Variants in CNTLN observed in about 807,000 individuals in gnomAD.
The protein encoded by CNTLN is centlein, also known as centlein, centrosomal protein.
A neutral mutation model predicts 180.0 loss-of-function variants in CNTLN; 212 were observed. That is an observed-to-expected ratio of 1.18 (90% confidence interval 1.05 to 1.32). The LOEUF is 1.32. CNTLN is among the 40% of genes most tolerant of loss of function. The pLI is 0.00. For missense variants in CNTLN, 2,095 were observed against 1,610.9 expected (o/e 1.30, Z -5.14); for synonymous variants, 722 against 563.1 (o/e 1.28, Z -3.99).
At chr9:17,179,420 G>A (rs1190948336) in intron 2 of CNTLN, among the ~76,000 whole-genome samples, 1 of 151,910 alleles carries the variant, frequency 6.6e-6, no homozygotes, top group African/African-American at 2.4e-5. Context: ...TAACTTTCCT[G>A]TGAGACTCTC....
chr9:17,188,087 C>T (rs1821551038), intron 2 of CNTLN, among the ~76,000 whole-genome samples: 1 of 151,066 alleles, frequency 6.6e-6, no homozygotes, highest in Admixed American at 6.6e-5. Flanking sequence ...TTCTTTCCCA[C>T]TTCATGCTTT....
At position 17,290,059 on chromosome 9, in the gene CNTLN, C is replaced by T. The variant is rs566921728; in HGVS notation, c.984-8131C>T. Among the ~76,000 whole-genome samples, 128 of 152,306 alleles carry T rather than the reference C, an allele frequency of 8.4e-4. 1 individual carries two copies. The South Asian group carries it at 0.017, about 20-fold the overall frequency. On this transcript the variant is annotated intron_variant, in intron 6 of 25. Transcript: ENST00000380647. ...TTTTTCCGTTGCTGGTGAGGAACTG[C>T]GTTCCTTTGGAGGAGGAGAGGCGCT...
At chr9:17,388,762 A>G (rs1254984687) in intron 14 of CNTLN, among the ~76,000 whole-genome samples, 2 of 151,862 alleles carry the variant, frequency 1.3e-5, no homozygotes, top group Admixed American at 6.6e-5. Context: ...ACAGCATTTT[A>G]TGTTTTAATA....
intron 21 of CNTLN, among the ~76,000 whole-genome samples, chr9:17,465,522 A>G (rs1831696343): frequency 1.3e-5 from 2 of 150,278 alleles, no homozygotes; most frequent in African/African-American, 4.9e-5. Flanking sequence ...TTACATACAC[A>G]TATTATAATC....
intron 8 of CNTLN, among the ~76,000 whole-genome samples, chr9:17,316,746 A>G (rs1172726471): frequency 6.6e-6 from 1 of 151,764 alleles, no homozygotes; most frequent in African/African-American, 2.4e-5. Flanking sequence ...TTTTTTTGTA[A>G]TATTTTCTAG....
chr9:17,182,005 A>G (rs1197116390), intron 2 of CNTLN, among the ~76,000 whole-genome samples: 5 of 152,250 alleles, frequency 3.3e-5, no homozygotes, highest in African/African-American at 9.6e-5. Context: ...ACCTCATTAC[A>G]GTATCGTGAA....
intron 8 of CNTLN, among the ~76,000 whole-genome samples, chr9:17,324,994 C>G (rs1029765538): frequency 6.6e-6 from 1 of 151,592 alleles, no homozygotes; most frequent in African/African-American, 2.4e-5. Context: ...GGAAGAAATG[C>G]AAATATTTAT....
chr9:17,449,635 A>G (rs111731207), intron 18 of CNTLN, among the ~76,000 whole-genome samples: 26 of 152,336 alleles, frequency 1.7e-4, no homozygotes, highest in African/African-American at 4.3e-4. Flanking sequence ...TTGAAAGTCA[A>G]TTGTATTAGT....
At chr9:17,297,538 T>G (rs1007980984) in intron 6 of CNTLN, among the ~76,000 whole-genome samples, 2 of 151,928 alleles carry the variant, frequency 1.3e-5, no homozygotes, top group Non-Finnish European at 2.9e-5. Flanking sequence ...AGACTCTTAG[T>G]GCCATCATTA....
chr9:17,338,900 C>T (rs374442656), intron 10 of CNTLN, among the ~76,000 whole-genome samples: 8 of 152,098 alleles, frequency 5.3e-5, no homozygotes, highest in South Asian at 2.1e-4. Context: ...CAGCATCCTA[C>T]GTGTAATAGA....
intron 5 of CNTLN, among the ~76,000 whole-genome samples, chr9:17,255,932 A>G (rs537512977): frequency 6.6e-6 from 1 of 151,990 alleles, no homozygotes; most frequent in South Asian, 2.1e-4. Flanking sequence ...CCAATGTGTT[A>G]GAATACAATT....
At chr9:17,178,980 C>T (rs545931986) in intron 2 of CNTLN, among the ~76,000 whole-genome samples, 94 of 146,122 alleles carry the variant, frequency 6.4e-4, no homozygotes, top group Non-Finnish European at 1.2e-3. Context: ...CGCGGTGGCT[C>T]ACGCCTGTAA....
the CNTLN span, among the ~76,000 whole-genome samples, chr9:17,513,378 A>ATTT: frequency 6.6e-6 from 1 of 152,158 alleles, no homozygotes; most frequent in Non-Finnish European, 1.5e-5. Flanking sequence ...TGAACTGAAA[A>ATTT]AATTAAATAT....
chr9:17,375,036 C>T lies in CNTLN; in HGVS notation c.1987+8319C>T, dbSNP rs114010101. On this transcript the variant is annotated intron_variant, in intron 13 of 25. Transcript: ENST00000380647. Reference sequence around the variant, plus strand: ...AGCAACCCAAATGTTCATCAACAGACGAATGGATAAAATGAATGTGGTACA... The same window carrying T: ...AGCAACCCAAATGTTCATCAACAGATGAATGGATAAAATGAATGTGGTACA... Among the ~76,000 whole-genome samples the T allele has an allele frequency of 3.3e-3, 503 of 152,082 alleles. 2 individuals carry two copies. Among genetic ancestry groups the T allele is most frequent in the African/African-American group, 0.012 (489 of 41,468 alleles).
At chr9:17,230,570 C>G (rs1349527178) in intron 3 of CNTLN, among the ~76,000 whole-genome samples, 3 of 151,504 alleles carry the variant, frequency 2.0e-5, no homozygotes, top group Admixed American at 6.6e-5. Context: ...TTGGGTATTT[C>G]CCTTTTCCAA....
the CNTLN span, among the ~76,000 whole-genome samples, chr9:17,512,300 C>T: frequency 1.3e-5 from 2 of 152,078 alleles, no homozygotes; most frequent in African/African-American, 2.4e-5. Flanking sequence ...CTTAGGAGGC[C>T]TTTTATCAAT....
chr9:17,241,826 T>C (rs1488565373), intron 5 of CNTLN, among the ~76,000 whole-genome samples: 3 of 152,212 alleles, frequency 2.0e-5, no homozygotes, highest in African/African-American at 7.2e-5. Context: ...TAAGTAGGAT[T>C]ACTTTCTTAA....
intron 6 of CNTLN, among the ~76,000 whole-genome samples, chr9:17,290,452 CTG>C (rs1484196747): frequency 2.0e-5 from 3 of 148,416 alleles, no homozygotes; most frequent in Non-Finnish European, 4.5e-5. Context: ...GAGGTTACTG[CTG>C]TCTTTTTGTT....
chr9:17,486,859 T>A (rs928606225), intron 24 of CNTLN, 130 bp from the exon 25 acceptor site: 1 of 578,870 alleles, frequency 1.7e-6, no homozygotes, highest in Non-Finnish European at 3.0e-6. Flanking sequence ...TATTTCTACT[T>A]TGAGATGACA....
Sources: gnomAD v4.1 joint callset for allele counts (sites outside exome capture counted in the v4.1 genomes callset) on GRCh38, gnomAD v4.1.1 for gene constraint, MANE v1.5 for transcripts, NCBI Gene and HGNC (gene_info 2026-07-23, HGNC 2026-07-21) for gene names.